Variants in ADAM9 observed in about 807,000 individuals in gnomAD.
ADAM9 encodes the protein ADAM metallopeptidase domain 9, also known as disintegrin and metalloproteinase domain-containing protein 9.
ADAM9 carries 54 observed loss-of-function variants against 108.1 expected under a neutral mutation model. That is an observed-to-expected ratio of 0.50 (90% CI 0.40 to 0.63). The LOEUF is 0.63. ADAM9 is among the 20% of genes least tolerant of loss of function. The pLI, the probability that ADAM9 is intolerant of heterozygous loss-of-function variation, is 0.00. For synonymous variants in ADAM9, 316 were observed against 336.0 expected (o/e 0.94, Z 0.65); for missense variants, 830 against 997.7 (o/e 0.83, Z 2.26).
At chr8:39,019,706 T>C (rs1440702114) in intron 7 of ADAM9, among the ~76,000 whole-genome samples, 1 of 152,254 alleles carries the variant, frequency 6.6e-6, no homozygotes, top group Non-Finnish European at 1.5e-5. Flanking sequence ...TTACTATGAT[T>C]GGCAGTTCCT....
intron 18 of ADAM9, among the ~76,000 whole-genome samples, chr8:39,084,241 A>G (rs1259081490): frequency 2.6e-5 from 4 of 151,966 alleles, no homozygotes; most frequent in African/African-American, 9.7e-5. Flanking sequence ...TTCTTTATGA[A>G]ATATGTGCCT....
chr8:39,058,949 AC>A (rs1200836374), intron 14 of ADAM9, among the ~76,000 whole-genome samples: 1 of 152,148 alleles, frequency 6.6e-6, no homozygotes, highest in Non-Finnish European at 1.5e-5. Flanking sequence ...CTTTTGGAGA[AC>A]CTTGCCCCAG....
intron 7 of ADAM9, among the ~76,000 whole-genome samples, chr8:39,020,426 CCTAA>C (rs1836699622): frequency 1.3e-5 from 2 of 151,824 alleles, no homozygotes; most frequent in South Asian, 2.1e-4. Context: ...TGATTAGATC[CCTAA>C]CTGATAAAAT....
intron 4 of ADAM9, 140 bp downstream of exon 4, chr8:39,014,183 G>T (rs1213134472): frequency 1.5e-5 from 11 of 713,148 alleles, no homozygotes; most frequent in African/African-American, 3.6e-5. Flanking sequence ...GGGTTATCTT[G>T]GGAAAAGTGG....
At chr8:39,050,313 G>T (rs1403517875) in intron 12 of ADAM9, among the ~76,000 whole-genome samples, 1 of 152,068 alleles carries the variant, frequency 6.6e-6, no homozygotes, top group African/African-American at 2.4e-5. Context: ...CCAGATTTGG[G>T]AAAATTTCAA....
intron 7 of ADAM9, among the ~76,000 whole-genome samples, chr8:39,020,957 T>C (rs562688694): frequency 6.6e-6 from 1 of 152,334 alleles, no homozygotes; most frequent in East Asian, 1.9e-4. Flanking sequence ...GGAAGTTCTT[T>C]AGATTGTCTT....
chr8:39,014,079 T>A (rs759627385), intron 4 of ADAM9, 36 bp downstream of exon 4: 49 of 1,547,714 alleles, frequency 3.2e-5, no homozygotes, highest in Non-Finnish European at 4.3e-5. Flanking sequence ...TAGCAAATTT[T>A]AAAACAATTA....
intron 14 of ADAM9, among the ~76,000 whole-genome samples, chr8:39,070,001 A>T (rs932821852): frequency 2.7e-5 from 4 of 150,804 alleles, no homozygotes; most frequent in Non-Finnish European, 5.9e-5. Flanking sequence ...AAAAAAAAAA[A>T]AATTAGTCAA....
At chr8:39,047,513 T>A (rs1837811622) in intron 12 of ADAM9, among the ~76,000 whole-genome samples, 1 of 152,216 alleles carries the variant, frequency 6.6e-6, no homozygotes, top group Non-Finnish European at 1.5e-5. Flanking sequence ...TCTTTATGAT[T>A]CAGTCTTGGT....
At chr8:39,006,731 T>A (rs1228292692) in intron 1 of ADAM9, among the ~76,000 whole-genome samples, 1 of 152,024 alleles carries the variant, frequency 6.6e-6, no homozygotes, top group South Asian at 2.1e-4. Context: ...GTGATGACTT[T>A]AGAACCCAAG....
chr8:39,067,557 G>T (rs1473223893), intron 14 of ADAM9, among the ~76,000 whole-genome samples: 1 of 151,784 alleles, frequency 6.6e-6, no homozygotes, highest in East Asian at 1.9e-4. Context: ...TCTGTTATTG[G>T]TGTATAAGAA....
chr8:39,038,776 TAAGG>T (rs1837363600), intron 11 of ADAM9, among the ~76,000 whole-genome samples: 1 of 152,178 alleles, frequency 6.6e-6, no homozygotes, highest in Non-Finnish European at 1.5e-5. Context: ...AGAAAAAGAA[TAAGG>T]AAGACAAGTC....
intron 20 of ADAM9, 93 bp from the exon 21 acceptor site, chr8:39,101,768 CTG>C: frequency 1.0e-6 from 1 of 970,454 alleles, no homozygotes; most frequent in South Asian, 1.5e-5. Flanking sequence ...CAACTGTAGT[CTG>C]TTTATTGATT....
At position 39,079,594 on chromosome 8, in the gene ADAM9, AT is replaced by A. The variant is rs397786496; in HGVS notation, c.1881+2201del. Among the ~76,000 whole-genome samples the A allele has an allele frequency of 1.7e-3, 245 of 142,172 alleles. 2 individuals are homozygous for A. The highest frequency in any genetic ancestry group is 2.2e-3 in the Admixed American group (31 of 14,248). 93.3% of individuals were successfully genotyped at this position (142,172 alleles called of 152,430 possible). On this transcript the variant is annotated intron_variant, in intron 16 of 21. Coordinates refer to ENST00000487273, the MANE Select transcript of ADAM9 (RefSeq NM_003816.3). ...ATAAGCCTATTTTAAAATATCATGA[AT>A]TTTTTTTTTTTTTTTTTGGAGCCTC...
intron 11 of ADAM9, among the ~76,000 whole-genome samples, chr8:39,034,793 C>T (rs1303459033): frequency 6.6e-6 from 1 of 151,854 alleles, no homozygotes; most frequent in Non-Finnish European, 1.5e-5. Flanking sequence ...GCTGTTTTCA[C>T]AATTTTGTCT....
At chr8:39,090,650 T>A (rs1839323553) in intron 19 of ADAM9, among the ~76,000 whole-genome samples, 1 of 152,218 alleles carries the variant, frequency 6.6e-6, no homozygotes, top group South Asian at 2.1e-4. Flanking sequence ...TGGTCAGCCT[T>A]TAGGCTGCTG....
intron 4 of ADAM9, 66 bp downstream of exon 4, chr8:39,014,109 G>C: frequency 7.7e-7 from 1 of 1,305,662 alleles, no homozygotes; most frequent in Non-Finnish European, 1.1e-6. Context: ...AATGAGTTCT[G>C]TATAGGCACT....
intron 16 of ADAM9, among the ~76,000 whole-genome samples, chr8:39,079,239 G>A (rs902898946): frequency 1.3e-5 from 2 of 152,148 alleles, no homozygotes; most frequent in East Asian, 1.9e-4. Context: ...CTACTAGCTG[G>A]CACCACAGGT....
intron 11 of ADAM9, among the ~76,000 whole-genome samples, chr8:39,038,087 A>C (rs1033799908): frequency 6.6e-6 from 1 of 152,106 alleles, no homozygotes; most frequent in African/African-American, 2.4e-5. Context: ...TACAGCTCCC[A>C]CTGTTTCATT....
Sources: allele counts gnomAD v4.1 joint callset (sites outside exome capture counted in the v4.1 genomes callset), GRCh38; gene constraint gnomAD v4.1.1; transcripts MANE v1.5; gene names NCBI Gene and HGNC (gene_info 2026-07-23, HGNC 2026-07-21).